CADM2: variants seen among roughly 807,000 people sequenced by gnomAD.
The protein encoded by CADM2 is cell adhesion molecule 2, also known as immunoglobulin superfamily member 4D.
In CADM2, 12 loss-of-function variants were observed where a neutral mutation model predicts 49.8. The observed-to-expected ratio is 0.24, with a 90% confidence interval of 0.15 to 0.39. CADM2 has a LOEUF of 0.39. CADM2 is among the 10% of genes least tolerant of loss of function. CADM2 has a pLI of 1.00. For synonymous variants in CADM2, 214 were observed against 175.4 expected, an observed-to-expected ratio of 1.22 and a Z score of -1.74; for missense variants, 378 against 492.3, an observed-to-expected ratio of 0.77 and a Z score of 2.20.
At chr3:85,748,210 A>C (rs1685845492) in intron 2 of CADM2, among the ~76,000 whole-genome samples, 1 of 152,150 alleles carries the variant, frequency 6.6e-6, no homozygotes, top group South Asian at 2.1e-4. Context: ...TCCAGACATC[A>C]AAGCCTTTCT....
At chr3:85,184,096 A>T (rs2040996431) in intron 1 of CADM2, among the ~76,000 whole-genome samples, 1 of 152,162 alleles carries the variant, frequency 6.6e-6, no homozygotes, top group South Asian at 2.1e-4. Context: ...GTAAGATGTC[A>T]CAGAAGCCAA....
chr3:85,384,568 C>T (rs1360622653), intron 1 of CADM2, among the ~76,000 whole-genome samples: 1 of 152,070 alleles, frequency 6.6e-6, no homozygotes, highest in Non-Finnish European at 1.5e-5. Context: ...CCCGCCTCAG[C>T]CTCCCAAACT....
At chr3:85,737,577 A>ATTT in intron 2 of CADM2, among the ~76,000 whole-genome samples, 1 of 71,224 alleles carries the variant, frequency 1.4e-5, no homozygotes, top group African/African-American at 6.4e-5. Flanking sequence ...TTTTTTTTTG[A>ATTT]GACGGAGTTT....
At chr3:85,571,819 G>T (rs2107246842) in intron 1 of CADM2, among the ~76,000 whole-genome samples, 1 of 152,236 alleles carries the variant, frequency 6.6e-6, no homozygotes, top group Admixed American at 6.5e-5. Flanking sequence ...TTTTGAGGTG[G>T]TATTGAACAT....
At chr3:86,003,974 A>G (rs1730477690) in intron 8 of CADM2, among the ~76,000 whole-genome samples, 1 of 152,180 alleles carries the variant, frequency 6.6e-6, no homozygotes, top group South Asian at 2.1e-4. Flanking sequence ...ATATACTTTC[A>G]TAGGTACTTG....
chr3:85,134,097 G>A (rs964703270), intron 1 of CADM2, among the ~76,000 whole-genome samples: 2 of 152,230 alleles, frequency 1.3e-5, no homozygotes, highest in East Asian at 1.9e-4. Flanking sequence ...CGCAGCCGCT[G>A]GCCCAGGTGC....
chr3:85,335,525 T>A (rs1310581938), intron 1 of CADM2, among the ~76,000 whole-genome samples: 1 of 151,474 alleles, frequency 6.6e-6, no homozygotes, highest in African/African-American at 2.4e-5. Flanking sequence ...ATTGGAATTA[T>A]TAGCATATTC....
intron 1 of CADM2, among the ~76,000 whole-genome samples, chr3:85,314,208 T>C (rs889080711): frequency 2.0e-5 from 3 of 152,150 alleles, no homozygotes; most frequent in Admixed American, 6.5e-5. Context: ...TTTCATTCAA[T>C]AATTATTTAC....
intron 1 of CADM2, among the ~76,000 whole-genome samples, chr3:85,517,317 T>C (rs2060928179): frequency 6.6e-6 from 1 of 152,148 alleles, no homozygotes; most frequent in Non-Finnish European, 1.5e-5. Context: ...GTTCTGGATC[T>C]ATTTCAAATG....
intron 3 of CADM2, among the ~76,000 whole-genome samples, chr3:85,821,235 GCT>G (rs1246191649): frequency 1.3e-5 from 2 of 152,070 alleles, no homozygotes; most frequent in African/African-American, 4.8e-5. Context: ...AGAAAGCTTT[GCT>G]CTCTTTTCCA....
At chr3:85,569,576 C>T (rs894607827) in intron 1 of CADM2, among the ~76,000 whole-genome samples, 1 of 151,934 alleles carries the variant, frequency 6.6e-6, no homozygotes, top group Admixed American at 6.6e-5. Flanking sequence ...TCTTTGCCAG[C>T]ATTTGGTGTT....
chr3:85,884,178 A>C (rs1011844927), intron 4 of CADM2, among the ~76,000 whole-genome samples: 1 of 152,194 alleles, frequency 6.6e-6, no homozygotes, highest in African/African-American at 2.4e-5. Context: ...CAATCAGCTG[A>C]AATTGCTGCA....
At chr3:85,125,499 C>CA (rs767409754) in intron 1 of CADM2, among the ~76,000 whole-genome samples, 1 of 152,076 alleles carries the variant, frequency 6.6e-6, no homozygotes, top group Non-Finnish European at 1.5e-5. Context: ...GCCAGGACTA[C>CA]AGGCGTGCAC....
intron 8 of CADM2, chr3:86,012,837 C>G: frequency 1.9e-6 from 1 of 526,794 alleles, no homozygotes; most frequent in East Asian, 3.6e-5. Context: ...TAGCCGGGAG[C>G]GGTGGCGGGC....
chr3:85,845,812 A>G (rs1241966979), intron 3 of CADM2, among the ~76,000 whole-genome samples: 1 of 152,192 alleles, frequency 6.6e-6, no homozygotes, highest in Non-Finnish European at 1.5e-5. Context: ...AAGAAACTCT[A>G]TTAATTTTAA....
intron 1 of CADM2, among the ~76,000 whole-genome samples, chr3:85,296,297 G>T (rs948074685): frequency 6.6e-6 from 1 of 151,942 alleles, no homozygotes; most frequent in African/African-American, 2.4e-5. Flanking sequence ...AGCAGTACAA[G>T]AATTAATATG....
intron 1 of CADM2, among the ~76,000 whole-genome samples, chr3:85,055,046 A>C (rs547316024): frequency 8.0e-4 from 122 of 151,888 alleles, no homozygotes; most frequent in Non-Finnish European, 1.6e-3. Flanking sequence ...ATGCACTGAA[A>C]GTGTTTTAAA....
chr3:85,658,011 A>G (rs1417356624), intron 1 of CADM2, among the ~76,000 whole-genome samples: 1 of 152,018 alleles, frequency 6.6e-6, no homozygotes, highest in East Asian at 1.9e-4. Context: ...TTTATTAGGC[A>G]ATGGGGATTC....
chr3:85,403,651 C>T lies in CADM2; in HGVS notation c.62-322871C>T, dbSNP rs571811545. Among the ~76,000 whole-genome samples, 3 of 152,206 alleles carry T rather than the reference C, an allele frequency of 2.0e-5. No individual in the cohort carries two copies. The South Asian group carries it at 6.2e-4, about 32-fold the overall frequency. ...GGCATTTTTATGAATGCAACTAGTT[C>T]AGGTATTATTAGAGCATTCAACTCA... On this transcript the variant is annotated intron_variant, in intron 1 of 9. Coordinates refer to ENST00000383699, the MANE Select transcript of CADM2 (RefSeq NM_001167675.2).
Sources: gnomAD v4.1 joint callset for allele counts (sites outside exome capture counted in the v4.1 genomes callset) on GRCh38, gnomAD v4.1.1 for gene constraint, MANE v1.5 for transcripts, NCBI Gene and HGNC (gene_info 2026-07-23, HGNC 2026-07-21) for gene names.